SNX29: variants seen among roughly 807,000 people sequenced by gnomAD.
The protein encoded by SNX29 is sorting nexin-29.
A neutral mutation model predicts 102.1 loss-of-function variants in SNX29; 78 were observed. That is an observed-to-expected ratio of 0.76 (90% CI 0.64 to 0.92). The LOEUF is 0.92. Among genes scored for constraint, SNX29 ranks in the 40% least tolerant of loss-of-function variants. The pLI is 0.00. For synonymous variants in SNX29, 580 were observed against 414.5 expected (o/e 1.40, Z -4.85); for missense variants, 1,280 against 1,061.7 (o/e 1.21, Z -2.86).
chr16:12,532,839 C>G (rs538522787), intron 20 of SNX29, among the ~76,000 whole-genome samples: 2 of 152,314 alleles, frequency 1.3e-5, no homozygotes, highest in African/African-American at 2.4e-5. Context: ...GCGAGGGGAG[C>G]CAGTGTCTCC....
At chr16:12,244,098 C>T (rs2078191389) in intron 14 of SNX29, among the ~76,000 whole-genome samples, 1 of 152,160 alleles carries the variant, frequency 6.6e-6, no homozygotes. Context: ...GGTTCATGCA[C>T]CTCTGAGATT....
chr16:12,565,125 CCA>C lies in SNX29; in HGVS notation c.2319-3378_2319-3377del, dbSNP rs534507245. On this transcript the variant is annotated intron_variant, in intron 20 of 20. Transcript: ENST00000566228. ...CTGAGTACTGGCCCTAGTCTCTTATCCACATTAGCCCCCACTTCCTTTGCCAG... is the reference window on the plus strand; with the variant it reads ...CTGAGTACTGGCCCTAGTCTCTTATCCATTAGCCCCCACTTCCTTTGCCAG... Among the ~76,000 whole-genome samples, 8 of 138,802 alleles carry C rather than the reference CCA, an allele frequency of 5.8e-5. No individual in the cohort carries two copies. In the South Asian group the frequency reaches 1.8e-3, roughly 31 times the overall value. The allele number at this position is 138,802 out of a possible 152,430, so 91.1% of individuals were successfully genotyped here.
intron 14 of SNX29, among the ~76,000 whole-genome samples, chr16:12,268,563 G>T (rs1359548396): frequency 1.3e-5 from 2 of 152,120 alleles, no homozygotes; most frequent in Non-Finnish European, 2.9e-5. Flanking sequence ...GACATCATTG[G>T]CATCTCACCT....
At chr16:12,429,661 A>G (rs565780221) in intron 18 of SNX29, among the ~76,000 whole-genome samples, 3 of 152,318 alleles carry the variant, frequency 2.0e-5, no homozygotes, top group Admixed American at 2.0e-4. Context: ...GTGTTCCACC[A>G]TCACGCTGTC....
intron 20 of SNX29, among the ~76,000 whole-genome samples, chr16:12,537,025 G>GA (rs955331821): frequency 5.9e-5 from 9 of 152,266 alleles, no homozygotes; most frequent in South Asian, 2.1e-4. Context: ...GGGGCCGGGG[G>GA]AGCACACAGC....
intron 11 of SNX29, among the ~76,000 whole-genome samples, chr16:12,116,656 G>A (rs761138584): frequency 1.3e-5 from 2 of 152,176 alleles, no homozygotes; most frequent in Admixed American, 6.5e-5. Context: ...CCTGGGCCAC[G>A]GAGTGAGACT....
intron 14 of SNX29, among the ~76,000 whole-genome samples, chr16:12,253,362 A>G (rs892626109): frequency 2.6e-5 from 4 of 152,230 alleles, no homozygotes; most frequent in Admixed American, 2.6e-4. Context: ...GTGGAGTTGC[A>G]TTCTAGTTAG....
chr16:12,403,192 TTGTGTGTGTATGTGTGTGTGTGTGTGTG>T (rs1486222343), intron 17 of SNX29, among the ~76,000 whole-genome samples: 4 of 129,720 alleles, frequency 3.1e-5, no homozygotes, highest in East Asian at 2.3e-4. Context: ...GGAGTACAGA[TTGTGTGTGTATGTGTGTGTGTGTGTGTG>T]TGTGTGTGTG....
At chr16:12,465,841 T>A (rs2087026012) in intron 18 of SNX29, among the ~76,000 whole-genome samples, 1 of 151,972 alleles carries the variant, frequency 6.6e-6, no homozygotes, top group Non-Finnish European at 1.5e-5. Context: ...TGTTTGTGTT[T>A]TTTTTTTTCA....
chr16:12,278,157 C>T (rs1229774613), intron 15 of SNX29, 121 bp downstream of exon 15: 2 of 763,102 alleles, frequency 2.6e-6, no homozygotes, highest in Non-Finnish European at 4.4e-6. Context: ...CTCCTCAGCC[C>T]CACAAAACAA....
intron 18 of SNX29, among the ~76,000 whole-genome samples, chr16:12,435,042 GAGCTTGACCTTGGGCC>G (rs974551668): frequency 1.0e-3 from 156 of 152,218 alleles, no homozygotes; most frequent in African/African-American, 3.7e-3. Context: ...CATATACCAG[GAGCTTGACCTTGGGCC>G]AGTCTGTCCA....
At chr16:12,196,550 A>C (rs139333394) in intron 13 of SNX29, among the ~76,000 whole-genome samples, 1 of 152,124 alleles carries the variant, frequency 6.6e-6, no homozygotes, top group African/African-American at 2.4e-5. Context: ...GGAAGGTGCA[A>C]ACATCTCAAA....
intron 19 of SNX29, among the ~76,000 whole-genome samples, chr16:12,494,550 A>G (rs947733272): frequency 7.9e-5 from 12 of 152,196 alleles, no homozygotes; most frequent in African/African-American, 2.9e-4. Context: ...GGGTCCAGCA[A>G]GCTTTAAGTG....
At chr16:12,533,755 C>A (rs529467700) in intron 20 of SNX29, among the ~76,000 whole-genome samples, 1 of 152,096 alleles carries the variant, frequency 6.6e-6, no homozygotes, top group African/African-American at 2.4e-5. Flanking sequence ...TGAATTAAGC[C>A]ATTGAGTTGT....
At chr16:12,536,989 AAAT>A (rs1224941611) in intron 20 of SNX29, among the ~76,000 whole-genome samples, 1 of 117,480 alleles carries the variant, frequency 8.5e-6, no homozygotes. Context: ...TAAAAAAATA[AAAT>A]AAAAAGAGTT....
chr16:12,237,873 A>G (rs1327433467), intron 14 of SNX29, among the ~76,000 whole-genome samples: 1 of 152,160 alleles, frequency 6.6e-6, no homozygotes, highest in Non-Finnish European at 1.5e-5. Context: ...ATGCCACTGC[A>G]CTCCAGCCTG....
At chr16:12,256,626 C>T (rs550926326) in intron 14 of SNX29, among the ~76,000 whole-genome samples, 2 of 152,294 alleles carry the variant, frequency 1.3e-5, no homozygotes, top group East Asian at 1.9e-4. Context: ...TGCGCCCGGC[C>T]TCCTGAGAAT....
At chr16:12,512,441 T>G (rs2089673762) in intron 19 of SNX29, among the ~76,000 whole-genome samples, 1 of 136,158 alleles carries the variant, frequency 7.3e-6, no homozygotes, top group Admixed American at 7.4e-5. Flanking sequence ...TGAGACAGGG[T>G]CTCCCTCTGT....
intron 11 of SNX29, among the ~76,000 whole-genome samples, chr16:12,119,963 T>G (rs892386909): frequency 6.6e-6 from 1 of 152,258 alleles, no homozygotes; most frequent in Non-Finnish European, 1.5e-5. Context: ...ACTGGCCATC[T>G]GAGCCCTGCG....
Sources: gnomAD v4.1 joint callset for allele counts (sites outside exome capture counted in the v4.1 genomes callset) on GRCh38, gnomAD v4.1.1 for gene constraint, MANE v1.5 for transcripts, NCBI Gene and HGNC (gene_info 2026-07-23, HGNC 2026-07-21) for gene names.